The following CCDC93 variants were observed in gnomAD, a reference collection of about 807,000 sequenced individuals.
The protein encoded by CCDC93 is coiled-coil domain-containing protein 93.
Under a neutral mutation model 108.2 loss-of-function variants are expected in CCDC93, and 61 were observed. The ratio of observed to expected loss-of-function variants is 0.56; its 90% CI spans 0.46 to 0.70. CCDC93 has a LOEUF of 0.70. CCDC93 is among the 30% of genes least tolerant of loss of function. The pLI, the probability that CCDC93 is intolerant of heterozygous loss-of-function variation, is 0.00. For synonymous variants in CCDC93, 276 were observed against 260.4 expected, an observed-to-expected ratio of 1.06 and a Z score of -0.58; for missense variants, 685 against 764.2, an observed-to-expected ratio of 0.90 and a Z score of 1.22.
intron 4 of CCDC93, chr2:117,997,388 C>T (rs1394757556): frequency 6.6e-6 from 1 of 152,244 alleles, no homozygotes. Context: ...AGGGGTGCCA[C>T]TCCCTCTCCA....
At position 117,954,114 on chromosome 2, in the gene CCDC93, C is replaced by T. The variant is rs966075688; in HGVS notation, c.1006-1679G>A. On this transcript the variant is annotated intron_variant, in intron 12 of 23. Coordinates refer to ENST00000376300, the MANE Select transcript of CCDC93 (RefSeq NM_019044.5). ...ACTAAGACAAGGCTCTAGGAAAGGT[C>T]CCCGGGATCTTCCCACCTGCTTCAC... Among the ~76,000 whole-genome samples, 3 of 152,288 alleles carry T rather than the reference C, an allele frequency of 2.0e-5. No individual in the cohort carries two copies. The South Asian group carries it at 6.2e-4, about 32-fold the overall frequency.
At chr2:118,002,594 G>A (rs900953737) in intron 3 of CCDC93, among the ~76,000 whole-genome samples, 5 of 152,146 alleles carry the variant, frequency 3.3e-5, no homozygotes, top group East Asian at 1.9e-4. Context: ...AAATATGGAA[G>A]GGGGGAGATT....
At chr2:117,937,855 C>T (rs537286793) in intron 20 of CCDC93, among the ~76,000 whole-genome samples, 102 of 152,178 alleles carry the variant, frequency 6.7e-4, no homozygotes, top group African/African-American at 2.4e-3. Context: ...GTGTAAGCCC[C>T]GGATACAGAA....
At chr2:117,925,330 C>T (rs376820047) in intron 23 of CCDC93, among the ~76,000 whole-genome samples, 2 of 152,180 alleles carry the variant, frequency 1.3e-5, no homozygotes, top group South Asian at 2.1e-4. Context: ...GACTGGCAAA[C>T]TGGATAAAGA....
At chr2:118,007,774 G>A (rs1156997353) in intron 2 of CCDC93, among the ~76,000 whole-genome samples, 4 of 152,220 alleles carry the variant, frequency 2.6e-5, no homozygotes, top group African/African-American at 9.6e-5. Context: ...CCCAAGCCCA[G>A]ACCTAGCTAA....
intron 7 of CCDC93, among the ~76,000 whole-genome samples, chr2:117,983,028 G>GT (rs1558795022): frequency 2.0e-5 from 3 of 152,126 alleles, no homozygotes; most frequent in African/African-American, 7.2e-5. Context: ...TTAGAACAGG[G>GT]TTTTTTCTCT....
intron 13 of CCDC93, chr2:117,951,632 A>AG: frequency 1.0e-6 from 1 of 1,000,242 alleles, no homozygotes; most frequent in Non-Finnish European, 1.2e-6. Flanking sequence ...GTCCTTCCAT[A>AG]GTACGGCTAT....
intron 23 of CCDC93, 117 bp downstream of exon 23, chr2:117,930,920 G>T: frequency 1.5e-6 from 1 of 649,420 alleles, no homozygotes. Flanking sequence ...ACTCTGTCTT[G>T]TTATTTCCCT....
chr2:117,980,963 T>C (rs914596064), intron 7 of CCDC93, among the ~76,000 whole-genome samples: 9 of 152,226 alleles, frequency 5.9e-5, no homozygotes, highest in African/African-American at 1.9e-4. Context: ...GTGGCCTTTG[T>C]GTCTGGCTTC....
rs1677738980 is a variant in CCDC93 at position 117,917,973 on chromosome 2, T to A, written c.*2370A>T. 6.6e-6 allele frequency: 1 copy of A among 152,208 alleles called. No homozygotes were observed. The highest frequency in any genetic ancestry group is 1.5e-5 in the Non-Finnish European group (1 of 68,062). 9.4% of individuals were successfully genotyped at this position (152,208 alleles called of 1,614,324 possible). On this transcript the variant is annotated 3_prime_UTR_variant, in exon 24 of 24. Coordinates refer to ENST00000376300, the MANE Select transcript of CCDC93 (RefSeq NM_019044.5). ...GAAGCGCATATTTTGAAAAAGTAAC[T>A]TAAGGATGTTCTTGCTTCCTTTTAA...
At chr2:117,966,480 A>G (rs1679578640) in intron 11 of CCDC93, among the ~76,000 whole-genome samples, 3 of 152,256 alleles carry the variant, frequency 2.0e-5, no homozygotes. Context: ...TTTTGCTTAT[A>G]GCAACATGCT....
chr2:117,944,115 T>C, intron 17 of CCDC93, 29 bp from the exon 18 acceptor site: 1 of 1,518,682 alleles, frequency 6.6e-7, no homozygotes, highest in Non-Finnish European at 9.0e-7. Context: ...TGTAATTATC[T>C]GGGAATAGAA....
intron 7 of CCDC93, among the ~76,000 whole-genome samples, chr2:117,982,755 T>TC (rs1680186245): frequency 6.9e-6 from 1 of 144,992 alleles, no homozygotes; most frequent in African/African-American, 2.6e-5. Flanking sequence ...CATAGTGTAG[T>TC]GGGGGGGGGG....
chr2:117,963,567 A>G (rs905374148), intron 11 of CCDC93, among the ~76,000 whole-genome samples: 1 of 152,204 alleles, frequency 6.6e-6, no homozygotes, highest in Non-Finnish European at 1.5e-5. Context: ...AAACCCACTA[A>G]TGAAATTCCA....
intron 1 of CCDC93, among the ~76,000 whole-genome samples, chr2:118,009,904 CTTTT>C (rs780138348): frequency 1.1e-4 from 17 of 150,618 alleles, no homozygotes; most frequent in African/African-American, 3.4e-4. Context: ...CAGTATTTTG[CTTTT>C]TTTTTGTTTT....
intron 23 of CCDC93, chr2:117,921,758 A>G (rs1677879152): frequency 1.3e-5 from 2 of 151,788 alleles, no homozygotes; most frequent in South Asian, 4.2e-4. Context: ...TTTTGCTAAG[A>G]CTAGTGCTGG....
chr2:117,990,833 A>T (rs936709380), intron 6 of CCDC93, among the ~76,000 whole-genome samples: 1 of 151,916 alleles, frequency 6.6e-6, no homozygotes, highest in Non-Finnish European at 1.5e-5. Flanking sequence ...TTTTTTTTGC[A>T]ATCTCTGATT....
At chr2:118,002,381 G>A (rs917349459) in intron 3 of CCDC93, among the ~76,000 whole-genome samples, 4 of 152,116 alleles carry the variant, frequency 2.6e-5, no homozygotes, top group Non-Finnish European at 5.9e-5. Context: ...CTCAGTCTTA[G>A]TATTAACAGT....
At chr2:117,926,557 A>G (rs146962013) in intron 23 of CCDC93, among the ~76,000 whole-genome samples, 8,059 of 152,294 alleles carry the variant, frequency 0.053, 285 homozygotes, top group Non-Finnish European at 0.083. Context: ...CACCCTCCCA[A>G]GACTAAACGA....
Sources: allele counts gnomAD v4.1 joint callset (sites outside exome capture counted in the v4.1 genomes callset), GRCh38; gene constraint gnomAD v4.1.1; transcripts MANE v1.5; gene names NCBI Gene and HGNC (gene_info 2026-07-23, HGNC 2026-07-21).